The following PFKFB3 variants were observed in gnomAD, a reference collection of about 807,000 sequenced individuals.
PFKFB3 encodes the protein 6-phosphofructo-2-kinase/fructose-2,6-bisphosphatase 3.
In PFKFB3, 33 loss-of-function variants were observed where a neutral mutation model predicts 68.0. The observed-to-expected ratio is 0.49, with a 90% CI of 0.37 to 0.65. PFKFB3 has a LOEUF of 0.65. Ranked by LOEUF, PFKFB3 falls within the 30% of genes least tolerant of loss-of-function variation. The pLI, the probability that PFKFB3 is intolerant of heterozygous loss-of-function variation, is 0.00. For missense variants in PFKFB3, 586 were observed against 712.2 expected (o/e 0.82, Z 2.02); for synonymous variants, 315 against 288.2 (o/e 1.09, Z -0.94).
intron 10 of PFKFB3, 116 bp downstream of exon 10, chr10:6,221,861 C>G (rs1209177099): frequency 3.0e-6 from 2 of 671,910 alleles, no homozygotes; most frequent in Admixed American, 2.6e-5. Flanking sequence ...GCTCCTACAC[C>G]CTCCACCTTG....
upstream of PFKFB3, among the ~76,000 whole-genome samples, chr10:6,202,098 T>A (rs188890760): frequency 1.3e-5 from 2 of 152,368 alleles, no homozygotes; most frequent in East Asian, 1.9e-4. Flanking sequence ...TATTCATTCT[T>A]CTACTCGGGG....
the PFKFB3 span, among the ~76,000 whole-genome samples, chr10:6,285,802 T>C: frequency 6.6e-6 from 1 of 152,160 alleles, no homozygotes; most frequent in Non-Finnish European, 1.5e-5. Context: ...GTAAGTGGAA[T>C]CATGCAGTAT....
At chr10:6,195,919 G>A (rs183817101) in intron 1 of PFKFB3, among the ~76,000 whole-genome samples, 169 of 152,238 alleles carry the variant, frequency 1.1e-3, no homozygotes, top group African/African-American at 3.9e-3. Context: ...GCAAGGTTGC[G>A]GGTTCCAACA....
the PFKFB3 span, among the ~76,000 whole-genome samples, chr10:6,321,483 G>C: frequency 6.6e-6 from 1 of 152,122 alleles, no homozygotes; most frequent in South Asian, 2.1e-4. Context: ...TCCCCCTCCA[G>C]TGTGATCCTT....
At chr10:6,158,869 CAA>C (rs201959006) in intron 1 of PFKFB3, among the ~76,000 whole-genome samples, 6 of 135,028 alleles carry the variant, frequency 4.4e-5, no homozygotes, top group African/African-American at 8.2e-5. Context: ...GACTCCATCT[CAA>C]AAAAAAAAAA....
the PFKFB3 span, among the ~76,000 whole-genome samples, chr10:6,296,779 G>A: frequency 0.022 from 3,368 of 152,234 alleles, 66 homozygotes; most frequent in Non-Finnish European, 0.032. Context: ...CACTTTCTTC[G>A]CCATCTTGGT....
At chr10:6,274,142 G>A in the PFKFB3 span, among the ~76,000 whole-genome samples, 2 of 151,976 alleles carry the variant, frequency 1.3e-5, no homozygotes, top group African/African-American at 2.4e-5. Context: ...CAAGGCTGCA[G>A]TGGGCTATGA....
the PFKFB3 span, among the ~76,000 whole-genome samples, chr10:6,263,292 C>T: frequency 8.5e-5 from 13 of 152,228 alleles, no homozygotes; most frequent in Admixed American, 2.6e-4. Flanking sequence ...CTGTTGTTTG[C>T]GGCTTAAGAA....
In PFKFB3 at chr10:6,147,436, T is replaced by C. The variant is rs552721643; in HGVS notation, c.16+2423T>C. On this transcript the variant is annotated intron_variant, in intron 1 of 14. Coordinates refer to the PFKFB3 transcript ENST00000379789. Reference sequence around the variant, plus strand: ...CTCCCCAGGCTGTGCTTCTGCCTCTTGACAAGCTTCAGACTTTGGGATCAG... The same window carrying C: ...CTCCCCAGGCTGTGCTTCTGCCTCTCGACAAGCTTCAGACTTTGGGATCAG... Among the ~76,000 whole-genome samples the C allele has an allele frequency of 3.3e-3, 503 of 152,306 alleles. 1 individual carries two copies. The highest frequency in any genetic ancestry group is 0.011 in the African/African-American group (447 of 41,578).
Position 6,226,253 on chromosome 10 carries a change from C to G in PFKFB3, c.1403C>G (p.Pro468Arg). 6.2e-7 allele frequency: 1 copy of G among 1,614,160 alleles called. No homozygotes were observed. The highest frequency in any genetic ancestry group is 8.5e-7 in the Non-Finnish European group (1 of 1,180,004). Residue 468 changes from proline (P) to arginine (R), a missense_variant, in exon 14 of 15, where the codon CCC becomes CGC. Pro to Arg is a moderately radical substitution (Grantham distance 103, BLOSUM62 -2). Coordinates refer to ENST00000379775, the MANE Select transcript of PFKFB3 (RefSeq NM_004566.4). ...RRNSVTPLAS[P>R]EPTKKPRINS... ...AATAGTGTCACCCCGCTAGCCAGCC[C>G]CGAACCCACCAAAAAGCCTCGCATC...
In PFKFB3 at chr10:6,227,178, A is replaced by C. The variant is rs562300618; in HGVS notation, c.1515+813A>C. The stretch of plus-strand genomic sequence containing the variant: ...GGAAGATTTTGGTTGTCAGACATTA[A>C]GATTTGTTTTCAGAAAACTGTTTGT... On this transcript the variant is annotated intron_variant, in intron 14 of 14. Transcript: ENST00000379775. 3.9e-5 allele frequency among the ~76,000 whole-genome samples: 6 copies of C among 152,244 alleles called. No individual in the cohort carries two copies. The South Asian group carries it at 1.0e-3, about 26-fold the overall frequency.
chr10:6,232,044 C>T (rs371147806), intron 14 of PFKFB3, among the ~76,000 whole-genome samples: 5 of 152,250 alleles, frequency 3.3e-5, no homozygotes, highest in Admixed American at 1.3e-4. Flanking sequence ...GCATGGGCCA[C>T]GGTGGCCCTG....
At position 6,215,204 on chromosome 10, in the gene PFKFB3, C is replaced by G; in HGVS notation, c.203-17C>G. 1.2e-6 allele frequency: 2 copies of G among 1,607,864 alleles called. No homozygotes were observed. The highest frequency in any genetic ancestry group is 1.7e-6 in the Non-Finnish European group (2 of 1,174,494). On this transcript the variant is annotated splice_polypyrimidine_tract_variant and intron_variant, in intron 2 of 14. Transcript: ENST00000379775. This position sits in a 1 kb window ranked among gnomAD's most constrained non-coding sequence, Gnocchi z 4.3. ...CTCCTGCTCGATCATCCAGACTGTT[C>G]TCTTTCCCGTCCACAGTGTTCAACG... is the stretch of plus-strand genomic sequence containing the variant.
chr10:6,208,764 A>AC (rs931034125), intron 1 of PFKFB3, among the ~76,000 whole-genome samples: 1 of 151,894 alleles, frequency 6.6e-6, no homozygotes, highest in African/African-American at 2.4e-5. Context: ...AGGAGTAGGA[A>AC]CCCGGGGGTG....
chr10:6,200,115 A>T (rs993375495), upstream of PFKFB3, among the ~76,000 whole-genome samples: 1 of 151,850 alleles, frequency 6.6e-6, no homozygotes, highest in South Asian at 2.1e-4. Flanking sequence ...TTCCTTGACT[A>T]CTCTAATCTC....
chr10:6,205,911 C>T (rs1383823888), intron 1 of PFKFB3, among the ~76,000 whole-genome samples: 1 of 152,006 alleles, frequency 6.6e-6, no homozygotes, highest in East Asian at 1.9e-4. Context: ...GATGCTCCCG[C>T]CTCAGCCTGT....
At chr10:6,265,818 A>G in the PFKFB3 span, among the ~76,000 whole-genome samples, 1 of 152,118 alleles carries the variant, frequency 6.6e-6, no homozygotes, top group Non-Finnish European at 1.5e-5. Flanking sequence ...ATAATTTTCC[A>G]GCTCCACCCC....
In PFKFB3 at chr10:6,151,772, A is replaced by C. The variant is rs374168565; in HGVS notation, c.16+6759A>C. Among the ~76,000 whole-genome samples, 20 of 152,266 alleles carry C rather than the reference A, an allele frequency of 1.3e-4. No homozygotes were observed. The South Asian group carries it at 3.9e-3, about 30-fold the overall frequency. ...TTTCAAAAGGAAGTGAGAAAGAGGAAGGTCTTGCCTAGGCATGGGGTAGAC... is the reference window on the plus strand; with the variant it reads ...TTTCAAAAGGAAGTGAGAAAGAGGACGGTCTTGCCTAGGCATGGGGTAGAC... On this transcript the variant is annotated intron_variant, in intron 1 of 14. Coordinates refer to the PFKFB3 transcript ENST00000379789.
At chr10:6,293,911 T>G in the PFKFB3 span, 1 of 474,438 alleles carries the variant, frequency 2.1e-6, no homozygotes, top group South Asian at 1.7e-5. Context: ...ATCTATTGAT[T>G]TAAGCCAGAG....
Sources: allele counts gnomAD v4.1 joint callset (sites outside exome capture counted in the v4.1 genomes callset), GRCh38; gene constraint gnomAD v4.1.1; non-coding constraint Gnocchi (gnomAD v3.1); transcripts MANE v1.5; gene names NCBI Gene and HGNC (gene_info 2026-07-23, HGNC 2026-07-21).